The following KIF16B variants were observed in gnomAD, a reference collection of about 807,000 sequenced individuals.
KIF16B encodes the protein kinesin-like protein KIF16B.
Under a neutral mutation model 156.3 loss-of-function variants are expected in KIF16B, and 98 were observed. The ratio of observed to expected loss-of-function variants is 0.63; its 90% CI spans 0.53 to 0.74. The LOEUF (loss-of-function observed/expected upper bound fraction) is 0.74, where lower values mean the gene tolerates loss of function less well. Among genes scored for constraint, KIF16B ranks in the 30% least tolerant of loss-of-function variants. The pLI is 0.00. For missense variants in KIF16B, 1,421 were observed against 1,606.5 expected, an observed-to-expected ratio of 0.88 and a Z score of 1.97; for synonymous variants, 564 against 583.7, an observed-to-expected ratio of 0.97 and a Z score of 0.49.
At chr20:16,571,902 G>T (rs1254343393) in intron 1 of KIF16B, among the ~76,000 whole-genome samples, 2 of 152,122 alleles carry the variant, frequency 1.3e-5, no homozygotes, top group African/African-American at 4.8e-5. Flanking sequence ...GTGGCTCCCA[G>T]GCATGAGCCA....
intron 12 of KIF16B, among the ~76,000 whole-genome samples, chr20:16,431,913 T>TACACACACAC (rs74175693): frequency 0.19 from 27,957 of 143,634 alleles, 2,784 homozygotes; most frequent in Admixed American, 0.25. Flanking sequence ...TGTATACGTA[T>TACACACACAC]ACACACACAC....
chr20:16,442,213 A>C (rs998118475), intron 12 of KIF16B, among the ~76,000 whole-genome samples: 2 of 151,700 alleles, frequency 1.3e-5, no homozygotes, highest in African/African-American at 4.9e-5. Context: ...GACTATACTT[A>C]ATGATGATAT....
At chr20:16,375,041 T>A (rs368272891) in intron 19 of KIF16B, among the ~76,000 whole-genome samples, 3 of 152,122 alleles carry the variant, frequency 2.0e-5, no homozygotes, top group African/African-American at 7.2e-5. Context: ...GGAAAGTAGG[T>A]TGAGTTCCAT....
chr20:16,510,940 C>T (rs2068937667), intron 6 of KIF16B, among the ~76,000 whole-genome samples: 1 of 152,196 alleles, frequency 6.6e-6, no homozygotes, highest in African/African-American at 2.4e-5. Context: ...CTCATCATTG[C>T]TTGTGGCATT....
At chr20:16,442,221 T>C (rs1412053315) in intron 12 of KIF16B, among the ~76,000 whole-genome samples, 1 of 152,112 alleles carries the variant, frequency 6.6e-6, no homozygotes, top group Non-Finnish European at 1.5e-5. Flanking sequence ...TTAATGATGA[T>C]ATATTGTATT....
chr20:16,470,879 G>A lies in KIF16B; in HGVS notation c.1302+23412C>T, dbSNP rs117091635. 3.1e-3 allele frequency among the ~76,000 whole-genome samples: 475 copies of A among 151,954 alleles called. 3 individuals carry two copies. The highest frequency in any genetic ancestry group is 0.02 in the East Asian group (101 of 5,154). ...TAAGCAAAAGTTAAACACTGAGATG[G>A]TTTCCATTTCTACCCCAGGGTATGT... is the stretch of plus-strand genomic sequence containing the variant. On this transcript the variant is annotated intron_variant, in intron 12 of 25. Transcript: ENST00000354981.
In KIF16B at chr20:16,406,336, G is replaced by A. The variant is rs16997573; in HGVS notation, c.1695+38C>T. ...CCACCACCCACTCATCCTCACATAC[G>A]ATCAGTGGTTCCCTCCTAGAGACGC... On this transcript the variant is annotated intron_variant, in intron 16 of 25. Transcript: ENST00000354981. 7.2e-3 allele frequency: 11,203 copies of A among 1,566,750 alleles called. 658 individuals carry two copies. The African/African-American group carries it at 0.13, about 18-fold the overall frequency.
intron 25 of KIF16B, among the ~76,000 whole-genome samples, chr20:16,302,307 CTG>C (rs1307674973): frequency 6.6e-6 from 1 of 152,182 alleles, no homozygotes; most frequent in Non-Finnish European, 1.5e-5. Context: ...GGCATAAGGT[CTG>C]TGTCTAGATT....
In KIF16B at chr20:16,420,065, T is replaced by C. The variant is rs994183654; in HGVS notation, c.1612+7039A>G. Among the ~76,000 whole-genome samples, 5 of 152,232 alleles carry C rather than the reference T, an allele frequency of 3.3e-5. No homozygotes were observed. In the South Asian group the frequency reaches 6.2e-4, roughly 19 times the overall value. On this transcript the variant is annotated intron_variant, in intron 15 of 25. Transcript: ENST00000354981. ...AACTAAGCTTTGGAGAATACACCAATTGAAGAGCATGTTAGATATAATGTT... is the reference window on the plus strand; with the variant it reads ...AACTAAGCTTTGGAGAATACACCAACTGAAGAGCATGTTAGATATAATGTT...
chr20:16,424,971 A>G (rs1245536102), intron 15 of KIF16B, among the ~76,000 whole-genome samples: 2 of 152,178 alleles, frequency 1.3e-5, no homozygotes, highest in East Asian at 3.9e-4. Context: ...TGAAATACAG[A>G]TATTTCACAA....
In KIF16B at chr20:16,526,249, C is replaced by T. The variant is rs889334976; in HGVS notation, c.118-44G>A. ...AATAATAATGATAATGTAAAGAGCA[C>T]TGCCATTTGACCCAAATTTCCATGT... On this transcript the variant is annotated intron_variant, in intron 2 of 25. Transcript: ENST00000354981. 8.8e-6 allele frequency: 10 copies of T among 1,130,942 alleles called. No homozygotes were observed. The Admixed American group carries it at 9.3e-5, about 11-fold the overall frequency. 70.1% of individuals were successfully genotyped at this position (1,130,942 alleles called of 1,614,324 possible).
At chr20:16,290,750 G>C (rs1304405388) in intron 25 of KIF16B, among the ~76,000 whole-genome samples, 7 of 152,114 alleles carry the variant, frequency 4.6e-5, no homozygotes, top group Non-Finnish European at 1.0e-4. Flanking sequence ...AGATTAGCTA[G>C]GGATTTGAAT....
chr20:16,451,384 C>T (rs532928083), intron 12 of KIF16B, among the ~76,000 whole-genome samples: 2 of 152,204 alleles, frequency 1.3e-5, no homozygotes, highest in East Asian at 3.9e-4. Flanking sequence ...GCATACAGAA[C>T]TACACTTCTC....
intron 12 of KIF16B, among the ~76,000 whole-genome samples, chr20:16,483,128 G>A (rs190230238): frequency 6.6e-6 from 1 of 152,164 alleles, no homozygotes; most frequent in African/African-American, 2.4e-5. Context: ...ATGCGTTAGG[G>A]AGATATGAAT....
intron 24 of KIF16B, among the ~76,000 whole-genome samples, chr20:16,325,671 C>T (rs185151854): frequency 7.2e-5 from 11 of 152,062 alleles, no homozygotes; most frequent in Non-Finnish European, 1.3e-4. Context: ...GAAACACATC[C>T]CATGCTCATA....
At chr20:16,376,178 T>C (rs1242967400) in intron 19 of KIF16B, among the ~76,000 whole-genome samples, 1 of 152,176 alleles carries the variant, frequency 6.6e-6, no homozygotes, top group African/African-American at 2.4e-5. Flanking sequence ...TCGTCATTGT[T>C]AAAGGACTCT....
At chr20:16,419,866 C>T (rs2066182173) in intron 15 of KIF16B, among the ~76,000 whole-genome samples, 1 of 151,894 alleles carries the variant, frequency 6.6e-6, no homozygotes, top group Admixed American at 6.6e-5. Context: ...GTATATAAAA[C>T]AGAAAAAAGA....
chr20:16,285,733 C>A (rs1046799645), intron 25 of KIF16B, among the ~76,000 whole-genome samples: 1 of 152,156 alleles, frequency 6.6e-6, no homozygotes, highest in African/African-American at 2.4e-5. Context: ...GGGAGGATCA[C>A]CTGAGTCCAG....
chr20:16,534,108 A>T (rs1422670297), intron 1 of KIF16B, among the ~76,000 whole-genome samples: 1 of 152,104 alleles, frequency 6.6e-6, no homozygotes. Context: ...AAATACAAAA[A>T]TTAGCCGAGC....
Sources: gnomAD v4.1 joint callset for allele counts (sites outside exome capture counted in the v4.1 genomes callset) on GRCh38, gnomAD v4.1.1 for gene constraint, MANE v1.5 for transcripts, NCBI Gene and HGNC (gene_info 2026-07-23, HGNC 2026-07-21) for gene names.